Variants in RNF38 observed in about 807,000 individuals in gnomAD.
RNF38 encodes the protein E3 ubiquitin-protein ligase RNF38.
RNF38 carries 15 observed loss-of-function variants against 67.2 expected under a neutral mutation model. That is an observed-to-expected ratio of 0.22 (90% CI 0.15 to 0.34). RNF38 has a LOEUF of 0.34. Among genes scored for constraint, RNF38 ranks in the 10% least tolerant of loss-of-function variants. The pLI is 1.00. For synonymous variants in RNF38, 220 were observed against 218.8 expected, an observed-to-expected ratio of 1.01 and a Z score of -0.05; for missense variants, 524 against 639.9, an observed-to-expected ratio of 0.82 and a Z score of 1.95.
At chr9:36,436,800 C>T (rs547461056) in intron 1 of RNF38, among the ~76,000 whole-genome samples, 15 of 122,428 alleles carry the variant, frequency 1.2e-4, no homozygotes, top group East Asian at 4.7e-4. Flanking sequence ...CCAGCACGGG[C>T]GACAGAGCGA....
intron 1 of RNF38, among the ~76,000 whole-genome samples, chr9:36,436,684 G>A (rs1182312054): frequency 2.0e-5 from 3 of 152,094 alleles, no homozygotes; most frequent in East Asian, 1.9e-4. Context: ...TTAGCCGGGC[G>A]TGGTGGCAGG....
At chr9:36,487,501 G>C (rs1840447768) in exon 1 of RNF38, 2 of 977,412 alleles carry the variant, frequency 2.0e-6, no homozygotes, top group South Asian at 9.1e-5. Flanking sequence ...GAAAGTGCGC[G>C]GCGGCGGCGG....
intron 1 of RNF38, among the ~76,000 whole-genome samples, chr9:36,447,082 G>A (rs968375544): frequency 4.7e-5 from 7 of 149,368 alleles, no homozygotes; most frequent in Admixed American, 6.7e-5. Context: ...AGTTGAGATC[G>A]TGTCACTGCA....
At chr9:36,423,285 C>A (rs891353981) in intron 2 of RNF38, among the ~76,000 whole-genome samples, 2 of 152,172 alleles carry the variant, frequency 1.3e-5, no homozygotes, top group Non-Finnish European at 2.9e-5. Context: ...AGCTACCACT[C>A]TCTGTAAAGA....
At chr9:36,420,968 GAAC>G (rs1312329321) in intron 2 of RNF38, among the ~76,000 whole-genome samples, 1 of 152,132 alleles carries the variant, frequency 6.6e-6, no homozygotes, top group African/African-American at 2.4e-5. Flanking sequence ...TTAAGCTGGA[GAAC>G]AACAGATCAA....
chr9:36,385,903 G>C (rs147655285), intron 2 of RNF38, among the ~76,000 whole-genome samples: 27 of 152,198 alleles, frequency 1.8e-4, no homozygotes, highest in African/African-American at 6.3e-4. Flanking sequence ...CTGACCTCTC[G>C]CTGACCGACT....
chr9:36,440,342 G>A (rs1047905992), intron 1 of RNF38, among the ~76,000 whole-genome samples: 1 of 152,134 alleles, frequency 6.6e-6, no homozygotes, highest in Non-Finnish European at 1.5e-5. Flanking sequence ...TCAGGAGCCT[G>A]ACCAAATGTC....
chr9:36,469,439 C>G (rs1201302411), intron 1 of RNF38, among the ~76,000 whole-genome samples: 1 of 152,010 alleles, frequency 6.6e-6, no homozygotes, highest in African/African-American at 2.4e-5. Flanking sequence ...GTGGGCGAAT[C>G]ACCTGAGGTC....
At position 36,369,784 on chromosome 9, in the gene RNF38, G is replaced by A. The variant is rs192005282; in HGVS notation, c.505C>T (p.Arg169Cys). The change falls in exon 4 of 12, where the codon CGT (arginine) becomes TGT (cysteine). Residue 169 changes from arginine (R) to cysteine (C), a missense_variant. Transcript: ENST00000259605. ...RAFHPPNVSP[R>C]LLHPAAHPPQ... ...GGATGAGCAGCAGGATGTAGCAGAC[G>A]GGGAGATACATTCGGAGGGTGGAAG... The A allele has an allele frequency of 3.4e-5, 55 of 1,613,990 alleles. No homozygotes were observed. Among genetic ancestry groups the A allele is most frequent in the Admixed American group, 2.0e-4 (12 of 60,010 alleles).
At chr9:36,377,389 A>G (rs1470556923) in intron 2 of RNF38, among the ~76,000 whole-genome samples, 1 of 152,236 alleles carries the variant, frequency 6.6e-6, no homozygotes, top group Non-Finnish European at 1.5e-5. Flanking sequence ...ATAAGCATAT[A>G]AATCAGAACT....
chr9:36,463,971 T>C (rs967639861), intron 1 of RNF38, among the ~76,000 whole-genome samples: 3 of 145,642 alleles, frequency 2.1e-5, no homozygotes, highest in Non-Finnish European at 3.1e-5. Context: ...ATAGAGACCA[T>C]CCTGGCTAAC....
intron 1 of RNF38, among the ~76,000 whole-genome samples, chr9:36,433,686 CAAA>C (rs199573932): frequency 1.5e-5 from 1 of 68,824 alleles, no homozygotes; most frequent in Non-Finnish European, 3.3e-5. Context: ...GACTTCGCCT[CAAA>C]AAAAAAAAAA....
intron 9 of RNF38, among the ~76,000 whole-genome samples, chr9:36,347,816 G>A (rs1487670301): frequency 6.6e-6 from 1 of 152,196 alleles, no homozygotes; most frequent in Non-Finnish European, 1.5e-5. Flanking sequence ...AGTGGCTCAT[G>A]CCTGTAATCC....
chr9:36,382,982 CTT>C (rs1836318324), intron 2 of RNF38, among the ~76,000 whole-genome samples: 1 of 152,124 alleles, frequency 6.6e-6, no homozygotes, highest in African/African-American at 2.4e-5. Context: ...TGTGAAAACA[CTT>C]AGAAATCAAC....
At chr9:36,393,681 A>G (rs1837310305) in intron 1 of RNF38, among the ~76,000 whole-genome samples, 1 of 152,126 alleles carries the variant, frequency 6.6e-6, no homozygotes, top group Admixed American at 6.5e-5. Flanking sequence ...AGACGTTCAG[A>G]TGTAATGAAG....
chr9:36,454,756 A>G (rs1839545236), intron 1 of RNF38, among the ~76,000 whole-genome samples: 1 of 150,456 alleles, frequency 6.6e-6, no homozygotes, highest in African/African-American at 2.4e-5. Flanking sequence ...CTAATTTTCT[A>G]TATTTTTAGT....
chr9:36,350,281 G>T (rs1258183811), intron 9 of RNF38, among the ~76,000 whole-genome samples: 2 of 152,160 alleles, frequency 1.3e-5, no homozygotes, highest in Non-Finnish European at 2.9e-5. Context: ...ACATCTAAAT[G>T]GGTTTCCTTG....
At chr9:36,475,841 G>A (rs979215261) in intron 1 of RNF38, among the ~76,000 whole-genome samples, 22 of 150,456 alleles carry the variant, frequency 1.5e-4, no homozygotes, top group East Asian at 6.1e-4. Context: ...TATGGGGAAA[G>A]CCCATCTCTA....
chr9:36,422,509 A>G (rs1587110188), intron 2 of RNF38, among the ~76,000 whole-genome samples: 1 of 152,166 alleles, frequency 6.6e-6, no homozygotes, highest in South Asian at 2.1e-4. Context: ...GTAAAATGCT[A>G]TACTAGAATC....
Sources: allele counts gnomAD v4.1 joint callset (sites outside exome capture counted in the v4.1 genomes callset), GRCh38; gene constraint gnomAD v4.1.1; transcripts MANE v1.5; gene names NCBI Gene and HGNC (gene_info 2026-07-23, HGNC 2026-07-21).